The following NEMP2 variants were observed in gnomAD, a reference collection of about 807,000 sequenced individuals.
The protein encoded by NEMP2 is nuclear envelope integral membrane protein 2.
In NEMP2, 53 loss-of-function variants were observed where a neutral mutation model predicts 54.2. The ratio of observed to expected loss-of-function variants is 0.98; its 90% CI spans 0.78 to 1.23. The LOEUF (loss-of-function observed/expected upper bound fraction) is 1.23, where lower values mean the gene tolerates loss of function less well. Ranked by LOEUF, NEMP2 falls within the 50% of genes most tolerant of loss-of-function variation. The pLI is 0.00. For missense variants in NEMP2, 455 were observed against 511.3 expected (o/e 0.89, Z 1.06); for synonymous variants, 197 against 190.3 (o/e 1.04, Z -0.29).
chr2:190,423,454 TATCA>T, the NEMP2 span, among the ~76,000 whole-genome samples: 1 of 152,258 alleles, frequency 6.6e-6, no homozygotes, highest in African/African-American at 2.4e-5. The surrounding 1 kb of genome is among the most constrained non-coding windows in gnomAD (Gnocchi z 4.3). Flanking sequence ...TTATTGCATG[TATCA>T]ATCGTTTGCT....
chr2:190,525,310 T>G lies in NEMP2; in HGVS notation c.166A>C (p.Asn56His). 2 of 1,550,842 alleles carry G rather than the reference T, an allele frequency of 1.3e-6. No homozygotes were observed. The highest frequency in any genetic ancestry group is 2.4e-5 in the South Asian group (2 of 83,868). ...TTCCACTCCACTTGGGAATTTTGAT[T>G]GTAGCAGTAACAGTCTGACTCAGAC... ...RTSESDCYCYNQNSQVEWKYI... is the reference protein window; with the variant it reads ...RTSESDCYCYHQNSQVEWKYI... The change falls in exon 2 of 9, where the codon AAT becomes CAT. Residue 56 changes from asparagine to histidine, a missense_variant. Asn to His is a moderately conservative substitution (Grantham distance 68). Transcript: ENST00000409150. The surrounding 1 kb of genome is among the most constrained non-coding windows in gnomAD (Gnocchi z 5.0).
At chr2:190,466,300 C>T in the NEMP2 span, among the ~76,000 whole-genome samples, 2 of 152,158 alleles carry the variant, frequency 1.3e-5, no homozygotes, top group East Asian at 1.9e-4. Context: ...CATAACAGTG[C>T]ATACTATGGC....
chr2:190,467,584 G>A, the NEMP2 span, among the ~76,000 whole-genome samples: 1 of 152,142 alleles, frequency 6.6e-6, no homozygotes, highest in African/African-American at 2.4e-5. The surrounding 1 kb of genome is among the most constrained non-coding windows in gnomAD (Gnocchi z 5.5). Flanking sequence ...CTGCTCTCTA[G>A]CCTCGGCAAC....
chr2:190,437,244 G>A, the NEMP2 span: 21 of 1,614,252 alleles, frequency 1.3e-5, no homozygotes, highest in East Asian at 4.2e-4. The surrounding 1 kb of genome is among the most constrained non-coding windows in gnomAD (Gnocchi z 5.9). Flanking sequence ...AAGGGAAAGA[G>A]GTGGAGATCC....
chr2:190,480,006 T>C, the NEMP2 span, among the ~76,000 whole-genome samples: 3 of 152,102 alleles, frequency 2.0e-5, no homozygotes, highest in Non-Finnish European at 4.4e-5. Context: ...CTACAAAATA[T>C]TTAAAAATCA....
downstream of NEMP2, among the ~76,000 whole-genome samples, chr2:190,502,775 C>G (rs934762365): frequency 6.6e-6 from 1 of 152,232 alleles, no homozygotes; most frequent in African/African-American, 2.4e-5. This position sits in a 1 kb window ranked among gnomAD's most constrained non-coding sequence, Gnocchi z 4.4. Context: ...AAGGGAACCA[C>G]ATCCGTGGAT....
chr2:190,585,968 C>T, the NEMP2 span, among the ~76,000 whole-genome samples: 1 of 152,152 alleles, frequency 6.6e-6, no homozygotes. This position sits in a 1 kb window ranked among gnomAD's most constrained non-coding sequence, Gnocchi z 5.3. Flanking sequence ...AGGTTAATGT[C>T]CCCTAGACAC....
upstream of NEMP2, among the ~76,000 whole-genome samples, chr2:190,537,266 C>T (rs139068010): frequency 2.0e-3 from 300 of 152,216 alleles, 1 homozygote; most frequent in African/African-American, 6.9e-3. Flanking sequence ...AGGAAAGAAC[C>T]GGTGAATTTG....
chr2:190,472,946 G>A, the NEMP2 span, among the ~76,000 whole-genome samples: 3 of 152,132 alleles, frequency 2.0e-5, no homozygotes, highest in Non-Finnish European at 4.4e-5. Flanking sequence ...ATTCTTAAAG[G>A]AAAGAATTTT....
chr2:190,453,780 C>A, the NEMP2 span, among the ~76,000 whole-genome samples: 22 of 152,180 alleles, frequency 1.4e-4, no homozygotes, highest in African/African-American at 5.3e-4. Flanking sequence ...GAATATGTTG[C>A]CCCAAATAGC....
the NEMP2 span, among the ~76,000 whole-genome samples, chr2:190,587,086 T>G: frequency 6.6e-6 from 1 of 152,160 alleles, no homozygotes; most frequent in Non-Finnish European, 1.5e-5. The surrounding 1 kb of genome is among the most constrained non-coding windows in gnomAD (Gnocchi z 5.4). Context: ...CAAGTGCCAC[T>G]CCCACATTGC....
the NEMP2 span, among the ~76,000 whole-genome samples, chr2:190,479,859 G>GT: frequency 3.3e-5 from 5 of 151,974 alleles, no homozygotes; most frequent in Non-Finnish European, 7.4e-5. Flanking sequence ...GATGAAAGAT[G>GT]TTTTTTTTAA....
chr2:190,614,628 G>A, the NEMP2 span, among the ~76,000 whole-genome samples: 1 of 152,166 alleles, frequency 6.6e-6, no homozygotes, highest in Non-Finnish European at 1.5e-5. The surrounding 1 kb of genome is among the most constrained non-coding windows in gnomAD (Gnocchi z 5.7). Flanking sequence ...CCATTTTCAA[G>A]TTTACGTGAT....
chr2:190,634,112 C>T, the NEMP2 span, among the ~76,000 whole-genome samples: 6 of 152,070 alleles, frequency 3.9e-5, no homozygotes, highest in African/African-American at 1.4e-4. This position sits in a 1 kb window ranked among gnomAD's most constrained non-coding sequence, Gnocchi z 6.8. Context: ...TGTAAGACTC[C>T]AGGTATTTAC....
the NEMP2 span, among the ~76,000 whole-genome samples, chr2:190,433,793 A>C: frequency 6.6e-6 from 1 of 152,214 alleles, no homozygotes; most frequent in Admixed American, 6.5e-5. This position sits in a 1 kb window ranked among gnomAD's most constrained non-coding sequence, Gnocchi z 4.5. Flanking sequence ...GCTTACAAGT[A>C]TAATTTTAGA....
At chr2:190,493,241 C>A in the NEMP2 span, among the ~76,000 whole-genome samples, 1 of 152,014 alleles carries the variant, frequency 6.6e-6, no homozygotes, top group African/African-American at 2.4e-5. Context: ...ATTCTTACAT[C>A]AGACAAAGCA....
Position 190,506,210 on chromosome 2 carries a change from C to G in NEMP2, c.*2979G>C, listed in dbSNP as rs895915491. The stretch of plus-strand genomic sequence containing the variant: ...AGTCACACCCAAATAGTTCACTCTT[C>G]AATGTCATGCCACCCAGCAGGCTCT... On this transcript the variant is annotated 3_prime_UTR_variant, in exon 9 of 9. Transcript: ENST00000409150. The surrounding 1 kb of genome is among the most constrained non-coding windows in gnomAD (Gnocchi z 6.3). 6.6e-6 allele frequency: 1 copy of G among 152,236 alleles called. No individual in the cohort carries two copies. The highest frequency in any genetic ancestry group is 1.5e-5 in the Non-Finnish European group (1 of 68,060). 9.4% of individuals were successfully genotyped at this position (152,236 alleles called of 1,614,324 possible).
chr2:190,582,706 A>G, the NEMP2 span, among the ~76,000 whole-genome samples: 5 of 152,208 alleles, frequency 3.3e-5, no homozygotes, highest in African/African-American at 9.6e-5. The surrounding 1 kb of genome is among the most constrained non-coding windows in gnomAD (Gnocchi z 4.6). Flanking sequence ...GAGCAAGAGC[A>G]GGGGTGAGGA....
chr2:190,489,826 T>C, the NEMP2 span: 1 of 1,614,116 alleles, frequency 6.2e-7, no homozygotes, highest in Admixed American at 1.7e-5. This position sits in a 1 kb window ranked among gnomAD's most constrained non-coding sequence, Gnocchi z 6.6. Flanking sequence ...TACTGCTCTT[T>C]GCCCTGATCC....
Sources: gnomAD v4.1 joint callset for allele counts (sites outside exome capture counted in the v4.1 genomes callset) on GRCh38, gnomAD v4.1.1 for gene constraint, Gnocchi (gnomAD v3.1) non-coding constraint, MANE v1.5 for transcripts, NCBI Gene and HGNC (gene_info 2026-07-23, HGNC 2026-07-21) for gene names.